Variants in PXDNL observed in about 807,000 individuals in gnomAD.
PXDNL encodes the protein peroxidasin like.
A neutral mutation model predicts 150.8 loss-of-function variants in PXDNL; 145 were observed. The observed-to-expected ratio is 0.96, with a 90% CI of 0.84 to 1.10. PXDNL has a LOEUF of 1.10. Ranked by LOEUF, PXDNL falls within the 50% of genes least tolerant of loss-of-function variation. The pLI is 0.00. For missense variants in PXDNL, 2,087 were observed against 1,873.9 expected (o/e 1.11, Z -2.10); for synonymous variants, 757 against 725.7 (o/e 1.04, Z -0.69).
chr8:51,620,191 A>C (rs1011697449), intron 2 of PXDNL, among the ~76,000 whole-genome samples: 3 of 152,202 alleles, frequency 2.0e-5, no homozygotes, highest in Non-Finnish European at 4.4e-5. Context: ...ATTTGGATAA[A>C]ATTTGTCAAT....
At chr8:51,604,374 T>A (rs1280025000) in intron 2 of PXDNL, among the ~76,000 whole-genome samples, 1 of 152,100 alleles carries the variant, frequency 6.6e-6, no homozygotes, top group Non-Finnish European at 1.5e-5. Flanking sequence ...CTGGAAACCA[T>A]CATTCTCAGC....
At chr8:51,677,080 C>G (rs1307949933) in intron 1 of PXDNL, among the ~76,000 whole-genome samples, 1 of 152,198 alleles carries the variant, frequency 6.6e-6, no homozygotes, top group African/African-American at 2.4e-5. Context: ...ACTTGAAGCT[C>G]TAATTTAGAA....
At chr8:51,798,351 T>C (rs759388853) in intron 1 of PXDNL, among the ~76,000 whole-genome samples, 10 of 152,036 alleles carry the variant, frequency 6.6e-5, no homozygotes, top group Non-Finnish European at 1.2e-4. Flanking sequence ...AATTAAACTA[T>C]AGAGCTTTTG....
intron 1 of PXDNL, among the ~76,000 whole-genome samples, chr8:51,658,978 C>A (rs1815212321): frequency 9.9e-6 from 1 of 100,718 alleles, no homozygotes; most frequent in Non-Finnish European, 2.3e-5. Context: ...ATGCATGTCT[C>A]CTTGTACACT....
Position 51,677,628 on chromosome 8 carries a change from TAAC to T in PXDNL, c.165-22871_165-22869del, listed in dbSNP as rs1256533559. On this transcript the variant is annotated intron_variant, in intron 1 of 22. Coordinates refer to ENST00000356297, the MANE Select transcript of PXDNL (RefSeq NM_144651.5). ...AAAAAGTTAAAAATAAATGAGTAAATAACAATTATTTTGAAGTCACCATTTCCA... is the reference window on the plus strand; with the variant it reads ...AAAAAGTTAAAAATAAATGAGTAAATAATTATTTTGAAGTCACCATTTCCA... 1.7e-4 allele frequency among the ~76,000 whole-genome samples: 26 copies of T among 152,270 alleles called. No homozygotes were observed. The East Asian group carries it at 4.8e-3, about 28-fold the overall frequency.
intron 1 of PXDNL, among the ~76,000 whole-genome samples, chr8:51,756,650 T>G (rs1452915181): frequency 6.6e-6 from 1 of 152,164 alleles, no homozygotes; most frequent in Non-Finnish European, 1.5e-5. Context: ...TTTACAGCTA[T>G]GTTACTTTAG....
At chr8:51,378,657 G>T (rs1243047992) in intron 17 of PXDNL, among the ~76,000 whole-genome samples, 1 of 152,284 alleles carries the variant, frequency 6.6e-6, no homozygotes, top group Non-Finnish European at 1.5e-5. Flanking sequence ...TTTATGAGCT[G>T]TAACACTCAC....
At chr8:51,744,983 A>G (rs1393307152) in intron 1 of PXDNL, among the ~76,000 whole-genome samples, 344 of 13,040 alleles carry the variant, frequency 0.026, 26 homozygotes, top group East Asian at 0.065. Context: ...AAAGAAAGAA[A>G]GAAAGAAAGG....
chr8:51,634,521 C>T (rs1020378602), intron 2 of PXDNL, among the ~76,000 whole-genome samples: 69 of 152,210 alleles, frequency 4.5e-4, no homozygotes, highest in African/African-American at 1.6e-3. Context: ...TGAAAAATGA[C>T]ATCCGTAGTT....
chr8:51,584,765 T>C (rs1012866463), intron 3 of PXDNL, among the ~76,000 whole-genome samples: 2 of 152,224 alleles, frequency 1.3e-5, no homozygotes, highest in Non-Finnish European at 2.9e-5. Context: ...TTATATGTTC[T>C]GTTAATGAGA....
At chr8:51,642,562 A>G (rs1044020538) in intron 2 of PXDNL, among the ~76,000 whole-genome samples, 1 of 152,126 alleles carries the variant, frequency 6.6e-6, no homozygotes, top group Non-Finnish European at 1.5e-5. Flanking sequence ...AGAGTTATTT[A>G]TGACAAACCC....
intron 1 of PXDNL, among the ~76,000 whole-genome samples, chr8:51,704,297 T>C (rs1039801737): frequency 6.6e-6 from 1 of 152,244 alleles, no homozygotes; most frequent in Non-Finnish European, 1.5e-5. Context: ...GAGTCATTTA[T>C]GTGGATGTGT....
chr8:51,739,175 C>A (rs1483823796), intron 1 of PXDNL, among the ~76,000 whole-genome samples: 2 of 151,786 alleles, frequency 1.3e-5, no homozygotes, highest in Non-Finnish European at 2.9e-5. Context: ...ACAGAAAAAG[C>A]ACTTGACAAA....
intron 1 of PXDNL, among the ~76,000 whole-genome samples, chr8:51,721,429 C>A (rs1395978754): frequency 6.6e-6 from 1 of 152,050 alleles, no homozygotes; most frequent in Non-Finnish European, 1.5e-5. Flanking sequence ...TTATGAGATC[C>A]ATAAACAATT....
chr8:51,612,913 A>G (rs1814046550), intron 2 of PXDNL, among the ~76,000 whole-genome samples: 1 of 152,176 alleles, frequency 6.6e-6, no homozygotes, highest in African/African-American at 2.4e-5. Flanking sequence ...CCATGTCTGA[A>G]CCTTTGTAAG....
At chr8:51,331,116 C>T (rs11786018) in intron 21 of PXDNL, among the ~76,000 whole-genome samples, 6,502 of 152,266 alleles carry the variant, frequency 0.043, 293 homozygotes, top group African/African-American at 0.11. Flanking sequence ...CAGACTGCTC[C>T]TGCAGGACCC....
At chr8:51,391,848 C>G (rs2130840646) in intron 17 of PXDNL, among the ~76,000 whole-genome samples, 1 of 152,206 alleles carries the variant, frequency 6.6e-6, no homozygotes, top group South Asian at 2.1e-4. Context: ...CCTAGGTTTT[C>G]TTCTAGGATT....
At chr8:51,557,662 G>A (rs1209312594) in intron 3 of PXDNL, among the ~76,000 whole-genome samples, 1 of 152,090 alleles carries the variant, frequency 6.6e-6, no homozygotes, top group Non-Finnish European at 1.5e-5. Context: ...CATATTGTCA[G>A]TGCATCAGAA....
At chr8:51,482,767 T>C (rs866131429) in intron 6 of PXDNL, among the ~76,000 whole-genome samples, 12 of 152,196 alleles carry the variant, frequency 7.9e-5, no homozygotes, top group African/African-American at 2.4e-4. Flanking sequence ...TCTCTTCATC[T>C]TCTGCCATGA....
Sources: allele counts gnomAD v4.1 joint callset (sites outside exome capture counted in the v4.1 genomes callset), GRCh38; gene constraint gnomAD v4.1.1; transcripts MANE v1.5; gene names NCBI Gene and HGNC (gene_info 2026-07-23, HGNC 2026-07-21).